Variants in OR10A2 observed in about 807,000 individuals in gnomAD.
OR10A2 encodes the protein olfactory receptor 10A2.
In OR10A2, 15 loss-of-function variants were observed where a neutral mutation model predicts 13.7. The ratio of observed to expected loss-of-function variants is 1.10; its 90% confidence interval spans 0.73 to 1.69. The LOEUF (loss-of-function observed/expected upper bound fraction) is 1.69, where lower values mean the gene tolerates loss of function less well. OR10A2 is among the 40% of genes most tolerant of loss of function. OR10A2 has a pLI of 0.00. For synonymous variants in OR10A2, 145 were observed against 144.7 expected (o/e 1.00, Z -0.02); for missense variants, 343 against 361.1 (o/e 0.95, Z 0.41).
intron 1 of OR10A2, among the ~76,000 whole-genome samples, chr11:6,866,573 C>CT (rs768556413): frequency 1.1e-4 from 17 of 151,342 alleles, no homozygotes; most frequent in Middle Eastern, 6.9e-3. Flanking sequence ...GGTGTTGTCA[C>CT]TTTTTTTTTA....
intron 1 of OR10A2, among the ~76,000 whole-genome samples, chr11:6,865,972 T>A (rs1254444024): frequency 6.6e-6 from 1 of 152,238 alleles, no homozygotes; most frequent in Non-Finnish European, 1.5e-5. Flanking sequence ...TCCATTCCTA[T>A]AATTTTGTCA....
Position 6,869,717 on chromosome 11 carries a change from C to A in OR10A2, c.-38C>A. ...TGGGGACTTCTGCCCACACTTATAGCTACAGGAAACTGGACAAGAATAAGT... is the reference window on the plus strand; with the variant it reads ...TGGGGACTTCTGCCCACACTTATAGATACAGGAAACTGGACAAGAATAAGT... On this transcript the variant is annotated 5_prime_UTR_variant, in exon 2 of 2. Transcript: ENST00000641461. 1 of 1,559,926 alleles carries A rather than the reference C, an allele frequency of 6.4e-7. No homozygotes were observed. The highest frequency in any genetic ancestry group is 8.8e-7 in the Non-Finnish European group (1 of 1,134,378).
intron 1 of OR10A2, among the ~76,000 whole-genome samples, chr11:6,864,157 G>A (rs776800299): frequency 1.8e-4 from 27 of 152,094 alleles, no homozygotes; most frequent in Non-Finnish European, 3.1e-4. Flanking sequence ...CACTGGAGAC[G>A]GGGCACTAGC....
chr11:6,869,137 T>A (rs1020102176), intron 1 of OR10A2, among the ~76,000 whole-genome samples: 1 of 152,222 alleles, frequency 6.6e-6, no homozygotes, highest in Non-Finnish European at 1.5e-5. Flanking sequence ...AGTTTCCTCA[T>A]GTATAAACCA....
chr11:6,868,140 C>T (rs72920999), intron 1 of OR10A2, among the ~76,000 whole-genome samples: 49,446 of 151,992 alleles, frequency 0.33, 8,568 homozygotes, highest in South Asian at 0.41. Context: ...TTTCTGAAAC[C>T]GAGCTAAAAA....
intron 1 of OR10A2, among the ~76,000 whole-genome samples, chr11:6,865,445 T>A (rs1429787523): frequency 5.3e-5 from 8 of 152,004 alleles, no homozygotes. Flanking sequence ...CTTAAATACA[T>A]GCTTCATAAT....
At position 6,870,051 on chromosome 11, in the gene OR10A2, C is replaced by T; in HGVS notation, c.297C>T (p.Cys99=). The T allele has an allele frequency of 6.2e-7, 1 of 1,614,238 alleles. No homozygotes were observed. The highest frequency in any genetic ancestry group is 8.5e-7 in the Non-Finnish European group (1 of 1,180,038). Residue 99 remains cysteine (C), a synonymous_variant, in exon 2 of 2, where the codon TGC becomes TGT. Coordinates refer to ENST00000641461, the MANE Select transcript of OR10A2 (RefSeq NM_001004460.2). ...YFFFFFGVAE[C]FLLATMAYDR... ...TCTTCTTCTTTGGAGTGGCTGAATG[C>T]TTCCTCCTGGCTACCATGGCATATG...
intron 1 of OR10A2, among the ~76,000 whole-genome samples, chr11:6,867,273 G>A (rs191649144): frequency 9.9e-5 from 15 of 151,922 alleles, no homozygotes; most frequent in Admixed American, 7.9e-4. Context: ...ATGCAGCGGT[G>A]CAGTCTTGGC....
At position 6,870,462 on chromosome 11, in the gene OR10A2, T is replaced by C; in HGVS notation, c.708T>C (p.Ser236=). ...GTTCCTCACACCTCCTTGTTGTCTC[T>C]CTTTTCTATATATCATTAAGCCTCA... ...STCSSHLLVV[S]LFYISLSLTY... The change falls in exon 2 of 2, where the codon TCT becomes TCC. Residue 236 remains serine, a synonymous_variant. Coordinates refer to ENST00000641461, the MANE Select transcript of OR10A2 (RefSeq NM_001004460.2). 2 of 1,614,198 alleles carry C rather than the reference T, an allele frequency of 1.2e-6. No individual in the cohort carries two copies. The highest frequency in any genetic ancestry group is 1.7e-6 in the Non-Finnish European group (2 of 1,180,032).
chr11:6,870,170 G>A lies in OR10A2; in HGVS notation c.416G>A (p.Gly139Asp). ...CTGGCTGCTGCCTCCTGGTTCCCAGGCTTTCCTGTAGCTACTGTGCAGACC... is the reference window on the plus strand; with the variant it reads ...CTGGCTGCTGCCTCCTGGTTCCCAGACTTTCCTGTAGCTACTGTGCAGACC... ...AKLAAASWFPGFPVATVQTTW... is the reference protein window; with the variant it reads ...AKLAAASWFPDFPVATVQTTW... Residue 139 changes from glycine (G) to aspartate (D), a missense_variant, in exon 2 of 2, where the codon GGC becomes GAC. Gly to Asp is a moderately conservative substitution (Grantham distance 94, BLOSUM62 -1). Transcript: ENST00000641461. 7 of 1,614,214 alleles carry A rather than the reference G, an allele frequency of 4.3e-6. No individual in the cohort carries two copies. Among genetic ancestry groups the A allele is most frequent in the South Asian group, 1.1e-5 (1 of 91,080 alleles).
chr11:6,865,447 C>T (rs1377435596), intron 1 of OR10A2, among the ~76,000 whole-genome samples: 1 of 151,794 alleles, frequency 6.6e-6, no homozygotes, highest in Non-Finnish European at 1.5e-5. Flanking sequence ...TAAATACATG[C>T]TTCATAATTG....
Position 6,869,819 on chromosome 11 carries a change from A to G in OR10A2, c.65A>G (p.Tyr22Cys). 1 of 1,613,994 alleles carries G rather than the reference A, an allele frequency of 6.2e-7. No individual in the cohort carries two copies. Among genetic ancestry groups the G allele is most frequent in the Middle Eastern group, 1.6e-4 (1 of 6,062 alleles). ...SLLFLTFLTI[Y>C]LVTLMGNCLI... ...CTCTTTCTGACATTTCTAACCATCT[A>G]CCTGGTCACCCTGATGGGAAACTGC... The change falls in exon 2 of 2, where the codon TAC (tyrosine) becomes TGC (cysteine). Residue 22 changes from tyrosine (Y) to cysteine (C), a missense_variant. Coordinates refer to ENST00000641461, the MANE Select transcript of OR10A2 (RefSeq NM_001004460.2).
intron 1 of OR10A2, among the ~76,000 whole-genome samples, chr11:6,865,200 T>G (rs867602361): frequency 6.8e-6 from 1 of 148,146 alleles, no homozygotes; most frequent in Admixed American, 6.8e-5. Flanking sequence ...TTTAGAAAAT[T>G]TGGAAATCCA....
chr11:6,869,399 C>T (rs1848405321), intron 1 of OR10A2, among the ~76,000 whole-genome samples: 1 of 152,184 alleles, frequency 6.6e-6, no homozygotes, highest in Non-Finnish European at 1.5e-5. Flanking sequence ...ATCACTTTCT[C>T]CCAAAATGTA....
At chr11:6,867,914 T>C (rs572688197) in intron 1 of OR10A2, among the ~76,000 whole-genome samples, 6 of 152,142 alleles carry the variant, frequency 3.9e-5, no homozygotes, top group African/African-American at 1.4e-4. Flanking sequence ...CACAACTGGA[T>C]ATTTTCTCCA....
At chr11:6,865,531 G>A (rs184890714) in intron 1 of OR10A2, among the ~76,000 whole-genome samples, 13 of 152,116 alleles carry the variant, frequency 8.5e-5, no homozygotes, top group African/African-American at 3.1e-4. Context: ...AATTGGCTAT[G>A]CTTACTAAAT....
In OR10A2 at chr11:6,872,297, C is replaced by T. The variant is rs2133071416; in HGVS notation, c.*1631C>T. 1 of 152,216 alleles carries T rather than the reference C, an allele frequency of 6.6e-6. No individual in the cohort carries two copies. The highest frequency in any genetic ancestry group is 2.4e-5 in the African/African-American group (1 of 41,528). The allele number at this position is 152,216 out of a possible 1,614,324, so 9.4% of individuals were successfully genotyped here. On this transcript the variant is annotated 3_prime_UTR_variant, in exon 2 of 2. Transcript: ENST00000641461. ...CAAATCTATCCCATCTCTCAAGACC[C>T]CACTGTGATTCCTCAAGAAGCAGAA...
At chr11:6,864,763 G>A (rs1275030407) in intron 1 of OR10A2, among the ~76,000 whole-genome samples, 1 of 151,874 alleles carries the variant, frequency 6.6e-6, no homozygotes, top group African/African-American at 2.4e-5. Flanking sequence ...AGCAGAAGAA[G>A]GAGAGATGGA....
In OR10A2 at chr11:6,870,112, C is replaced by T; in HGVS notation, c.358C>T (p.Pro120Ser). 2 of 1,614,250 alleles carry T rather than the reference C, an allele frequency of 1.2e-6. No homozygotes were observed. Among genetic ancestry groups the T allele is most frequent in the Non-Finnish European group, 1.7e-6 (2 of 1,180,052 alleles). ...GGCCATCTGCAGTCCCTTGCACTAC[C>T]CAGTCATCATGAACCAAAGGACTCG... is the stretch of plus-strand genomic sequence containing the variant. ...YVAICSPLHY[P>S]VIMNQRTRAK... The change falls in exon 2 of 2, where the codon CCA (proline) becomes TCA (serine). Residue 120 changes from proline (P) to serine (S), a missense_variant. Coordinates refer to ENST00000641461, the MANE Select transcript of OR10A2 (RefSeq NM_001004460.2).
Sources: allele counts gnomAD v4.1 joint callset (sites outside exome capture counted in the v4.1 genomes callset), GRCh38; gene constraint gnomAD v4.1.1; transcripts MANE v1.5; gene names NCBI Gene and HGNC (gene_info 2026-07-23, HGNC 2026-07-21).